ADRA1B: variants seen among roughly 807,000 people sequenced by gnomAD.
ADRA1B encodes alpha-1B adrenergic receptor.
Under a neutral mutation model 17.9 loss-of-function variants are expected in ADRA1B, and 17 were observed. The ratio of observed to expected loss-of-function variants is 0.95; its 90% confidence interval spans 0.65 to 1.42. The LOEUF (loss-of-function observed/expected upper bound fraction) is 1.42, where lower values mean the gene tolerates loss of function less well. ADRA1B is among the 40% of genes most tolerant of loss of function. The pLI, the probability that ADRA1B is intolerant of heterozygous loss-of-function variation, is 0.00. For synonymous variants in ADRA1B, 366 were observed against 327.6 expected, an observed-to-expected ratio of 1.12 and a Z score of -1.27; for missense variants, 681 against 722.1, an observed-to-expected ratio of 0.94 and a Z score of 0.65.
At chr5:159,976,685 A>G (rs939954428), downstream of ADRA1B, among the ~76,000 whole-genome samples, 7 of 152,104 alleles carry the variant, frequency 4.6e-5, no homozygotes, top group African/African-American at 1.7e-4. Flanking sequence ...CAGCATGAAG[A>G]CGCGTTACTT....
At chr5:159,939,298 TGTGTGTGTGTGTGTGTGTGTGTGTGCGC>T (rs1372806649) in intron 1 of ADRA1B, among the ~76,000 whole-genome samples, 9 of 142,128 alleles carry the variant, frequency 6.3e-5, no homozygotes, top group African/African-American at 2.3e-4. Flanking sequence ...TGTGTGTGTG[TGTGTGTGTGTGTGTGTGTGTGTGTGCGC>T]GCGCGCGCGC....
At chr5:159,956,518 A>C (rs966703436) in intron 1 of ADRA1B, among the ~76,000 whole-genome samples, 1 of 152,186 alleles carries the variant, frequency 6.6e-6, no homozygotes, top group Admixed American at 6.5e-5. Context: ...TTGACAGCTT[A>C]CCATTTTAAT....
rs1387519499 is a variant in ADRA1B at position 159,917,415 on chromosome 5, G to A, written c.510G>A (p.Trp170Ter). ...CCATCTTGGCGCTGCTCAGTGTCTGGGTCTTGTCCACCGTCATCTCCATCG... is the reference window on the plus strand; with the variant it reads ...CCATCTTGGCGCTGCTCAGTGTCTGAGTCTTGTCCACCGTCATCTCCATCG... ...RKAILALLSV[W>*]VLSTVISIGP... Residue 170 changes from tryptophan to a stop codon, truncating the protein, a stop_gained, in exon 1 of 2, where the codon TGG (tryptophan) becomes TGA (stop). Coordinates refer to ENST00000306675, the MANE Select transcript of ADRA1B (RefSeq NM_000679.4). LOFTEE classifies it high-confidence loss of function. 2 of 1,613,984 alleles carry A rather than the reference G, an allele frequency of 1.2e-6. No individual in the cohort carries two copies. The highest frequency in any genetic ancestry group is 3.3e-5 in the Admixed American group (2 of 59,994).
Position 159,917,428 on chromosome 5 carries a change from G to T in ADRA1B, c.523G>T (p.Val175Phe), listed in dbSNP as rs761297353. ...GCTCAGTGTCTGGGTCTTGTCCACC[G>T]TCATCTCCATCGGGCCTCTCCTTGG... Reference protein sequence around the residue: ...ALLSVWVLSTVISIGPLLGWK... With the variant: ...ALLSVWVLSTFISIGPLLGWK... The change falls in exon 1 of 2, where the codon GTC (valine) becomes TTC (phenylalanine). Residue 175 changes from valine (V) to phenylalanine (F), a missense_variant. Physicochemically the swap from Val to Phe is conservative, Grantham distance 50 (BLOSUM62 -1). This residue lies in a region of ADRA1B where 424 missense variants were observed against 480.2 expected (regional missense o/e 0.88). Transcript: ENST00000306675. 1 of 1,614,016 alleles carries T rather than the reference G, an allele frequency of 6.2e-7. No homozygotes were observed. The highest frequency in any genetic ancestry group is 1.3e-5 in the African/African-American group (1 of 74,912).
intron 1 of ADRA1B, among the ~76,000 whole-genome samples, chr5:159,936,687 C>G (rs970630890): frequency 6.6e-6 from 1 of 152,146 alleles, no homozygotes; most frequent in Non-Finnish European, 1.5e-5. Context: ...CCTAAGCAGG[C>G]CCAGGAACTG....
In ADRA1B at chr5:159,949,767, C is replaced by T. The variant is rs142870983; in HGVS notation, c.950-22112C>T. On this transcript the variant is annotated intron_variant, in intron 1 of 1. Transcript: ENST00000306675. ...CAGCAAGATCTCAGAGCAGATGGACCGGCCGGCACCAGCCTGCCTCCATTT... is the reference window on the plus strand; with the variant it reads ...CAGCAAGATCTCAGAGCAGATGGACTGGCCGGCACCAGCCTGCCTCCATTT... 2.1e-3 allele frequency among the ~76,000 whole-genome samples: 321 copies of T among 152,322 alleles called. 1 individual carries two copies. The highest frequency in any genetic ancestry group is 7.4e-3 in the African/African-American group (308 of 41,554).
intron 1 of ADRA1B, among the ~76,000 whole-genome samples, chr5:159,890,903 C>T (rs1331705720): frequency 2.0e-5 from 3 of 152,140 alleles, no homozygotes; most frequent in South Asian, 2.1e-4. Context: ...ATTGATGTGG[C>T]TATCTTGGGG....
chr5:159,910,353 A>C (rs1162243499), intron 1 of ADRA1B, among the ~76,000 whole-genome samples: 1 of 152,238 alleles, frequency 6.6e-6, no homozygotes, highest in Non-Finnish European at 1.5e-5. Context: ...GCCGGGATTC[A>C]AACTCAGAAT....
intron 1 of ADRA1B, among the ~76,000 whole-genome samples, chr5:159,881,772 A>C (rs1397293088): frequency 6.6e-6 from 1 of 152,142 alleles, no homozygotes; most frequent in Non-Finnish European, 1.5e-5. Context: ...TTATAAATAG[A>C]TCTGAGAGGT....
upstream of ADRA1B, among the ~76,000 whole-genome samples, chr5:159,911,527 C>G (rs1330135069): frequency 6.6e-6 from 1 of 152,216 alleles, no homozygotes; most frequent in East Asian, 1.9e-4. Flanking sequence ...TTAATCTTTA[C>G]CAGCCTGCTG....
rs1264717184 is a variant in ADRA1B, at chr5:159,875,577, C to T, written c.-256+10371C>T. ...GAGAGTCCACTAAAACTCCAGTTTT[C>T]CAGTTTCTCCTGAAAAATAAAAATA... On this transcript the variant is annotated intron_variant, in intron 1 of 2. Transcript: ENST00000641205. 2.6e-5 allele frequency among the ~76,000 whole-genome samples: 4 copies of T among 152,172 alleles called. No homozygotes were observed. The East Asian group carries it at 5.8e-4, about 22-fold the overall frequency.
intron 1 of ADRA1B, among the ~76,000 whole-genome samples, chr5:159,895,809 G>A (rs1305526861): frequency 6.6e-6 from 1 of 152,240 alleles, no homozygotes; most frequent in Non-Finnish European, 1.5e-5. Flanking sequence ...GCTCCTGGAA[G>A]GCGTGGTCCA....
the ADRA1B span, among the ~76,000 whole-genome samples, chr5:159,984,597 C>T: frequency 5.3e-5 from 8 of 152,206 alleles, no homozygotes; most frequent in African/African-American, 1.9e-4. Flanking sequence ...CCAGAATGAT[C>T]TCTTTGAAAA....
At chr5:159,940,662 C>A (rs1755099674) in intron 1 of ADRA1B, among the ~76,000 whole-genome samples, 1 of 152,092 alleles carries the variant, frequency 6.6e-6, no homozygotes, top group Non-Finnish European at 1.5e-5. Flanking sequence ...ATAACATTTT[C>A]TTTAACAGTA....
intron 1 of ADRA1B, among the ~76,000 whole-genome samples, chr5:159,902,000 A>T (rs1754105470): frequency 6.6e-6 from 1 of 152,226 alleles, no homozygotes; most frequent in African/African-American, 2.4e-5. Flanking sequence ...ACTTCTCAGT[A>T]TATATTAAAG....
chr5:159,875,714 C>G (rs905026053), intron 1 of ADRA1B, among the ~76,000 whole-genome samples: 1 of 152,180 alleles, frequency 6.6e-6, no homozygotes, highest in Non-Finnish European at 1.5e-5. Context: ...TTCCTTGTGC[C>G]ACACAAGTTC....
the ADRA1B span, among the ~76,000 whole-genome samples, chr5:159,988,052 G>A: frequency 6.6e-6 from 1 of 152,196 alleles, no homozygotes; most frequent in African/African-American, 2.4e-5. Context: ...GGGGGGATTA[G>A]CCTGGATTAT....
chr5:159,948,741 A>G (rs186425238), intron 1 of ADRA1B, among the ~76,000 whole-genome samples: 178 of 152,328 alleles, frequency 1.2e-3, no homozygotes, highest in Middle Eastern at 6.8e-3. Context: ...TGTATGTGTC[A>G]TTAAGCCAGT....
intron 1 of ADRA1B, among the ~76,000 whole-genome samples, chr5:159,966,253 A>C (rs963868914): frequency 5.3e-5 from 8 of 152,234 alleles, no homozygotes; most frequent in African/African-American, 1.9e-4. Context: ...GACAATAATT[A>C]TTATTTAGTT....
Sources: allele counts gnomAD v4.1 joint callset (sites outside exome capture counted in the v4.1 genomes callset), GRCh38; gene constraint gnomAD v4.1.1; regional missense constraint gnomAD v4.1.1; transcripts MANE v1.5; gene names NCBI Gene and HGNC (gene_info 2026-07-23, HGNC 2026-07-21).